TMEM38B: variants seen among roughly 807,000 people sequenced by gnomAD.
TMEM38B encodes the protein transmembrane protein 38B, also known as trimeric intracellular cation channel type B.
In TMEM38B, 24 loss-of-function variants were observed where a neutral mutation model predicts 28.7. That is an observed-to-expected ratio of 0.84 (90% CI 0.61 to 1.18). The LOEUF (loss-of-function observed/expected upper bound fraction) is 1.18. TMEM38B is among the 50% of genes most tolerant of loss of function. The pLI is 0.00. For synonymous variants in TMEM38B, 131 were observed against 127.7 expected (o/e 1.03, Z -0.17); for missense variants, 380 against 350.9 (o/e 1.08, Z -0.66).
intron 4 of TMEM38B, among the ~76,000 whole-genome samples, chr9:105,729,108 G>T (rs6477457): frequency 0.21 from 32,008 of 152,082 alleles, 5,230 homozygotes; most frequent in East Asian, 0.46. Context: ...GTCAATTTTG[G>T]CTTTTGTTGC....
intron 5 of TMEM38B, chr9:105,758,837 T>TCA: frequency 1.1e-6 from 1 of 938,238 alleles, no homozygotes; most frequent in Non-Finnish European, 1.8e-6. Flanking sequence ...TCAATGAAGA[T>TCA]CAAGAAAATG....
chr9:105,710,588 G>T, intron 2 of TMEM38B: 1 of 839,570 alleles, frequency 1.2e-6, no homozygotes, highest in Non-Finnish European at 2.1e-6. Flanking sequence ...AGTGTCTTCA[G>T]CATCAGGAAC....
intron 4 of TMEM38B, among the ~76,000 whole-genome samples, chr9:105,729,709 A>T (rs984248346): frequency 1.3e-5 from 2 of 152,150 alleles, no homozygotes; most frequent in Non-Finnish European, 2.9e-5. Context: ...CTTCCTACCC[A>T]TGAGCAAGGA....
chr9:105,760,055 C>A, intron 5 of TMEM38B: 1 of 1,188,374 alleles, frequency 8.4e-7, no homozygotes, highest in Non-Finnish European at 1.2e-6. Flanking sequence ...CTTCCAGCTT[C>A]TTCTGTGTTG....
chr9:105,745,829 AG>A lies in TMEM38B; in HGVS notation c.543-2242del, dbSNP rs1837369743. Among the ~76,000 whole-genome samples, 3 of 152,286 alleles carry A rather than the reference AG, an allele frequency of 2.0e-5. No individual in the cohort carries two copies. The South Asian group carries it at 6.2e-4, about 32-fold the overall frequency. On this transcript the variant is annotated intron_variant, in intron 4 of 5. Transcript: ENST00000374692. ...GCCAGTTTTCCCAGCACCATTTATTAGGTAGGGAATCCTTTCCCCATTTCTT... is the reference window on the plus strand; with the variant it reads ...GCCAGTTTTCCCAGCACCATTTATTAGTAGGGAATCCTTTCCCCATTTCTT...
At chr9:105,762,755 T>G (rs1403752827) in intron 5 of TMEM38B, among the ~76,000 whole-genome samples, 1 of 148,966 alleles carries the variant, frequency 6.7e-6, no homozygotes, top group Non-Finnish European at 1.5e-5. Flanking sequence ...TGATTTATAG[T>G]CCTTTGGGTA....
intron 1 of TMEM38B, among the ~76,000 whole-genome samples, chr9:105,704,005 T>C (rs1334887979): frequency 6.6e-6 from 1 of 150,750 alleles, no homozygotes; most frequent in Non-Finnish European, 1.5e-5. Flanking sequence ...CACCGCATAT[T>C]CTCACTCATA....
intron 4 of TMEM38B, among the ~76,000 whole-genome samples, chr9:105,740,058 T>G (rs1291796459): frequency 6.6e-6 from 1 of 150,968 alleles, no homozygotes; most frequent in Non-Finnish European, 1.5e-5. Context: ...AGTTTCTGTA[T>G]TTTTAGTAGA....
At chr9:105,754,239 T>C (rs1837755665) in intron 5 of TMEM38B, among the ~76,000 whole-genome samples, 1 of 151,944 alleles carries the variant, frequency 6.6e-6, no homozygotes, top group Non-Finnish European at 1.5e-5. Flanking sequence ...AGACAGAAAA[T>C]TAACAGAGAT....
At chr9:105,703,500 A>G (rs1237169709) in intron 1 of TMEM38B, among the ~76,000 whole-genome samples, 10 of 152,364 alleles carry the variant, frequency 6.6e-5, no homozygotes, top group East Asian at 1.9e-4. Context: ...TAATGCCGCA[A>G]TAAACATACG....
chr9:105,761,367 A>T (rs1838041584), intron 5 of TMEM38B, among the ~76,000 whole-genome samples: 2 of 152,122 alleles, frequency 1.3e-5, no homozygotes, highest in South Asian at 4.1e-4. Flanking sequence ...TCATTTGTTT[A>T]ATATATATAT....
chr9:105,705,472 C>T, intron 1 of TMEM38B, 125 bp from the exon 2 acceptor site: 1 of 922,746 alleles, frequency 1.1e-6, no homozygotes, highest in Non-Finnish European at 1.6e-6. Context: ...ACTGGCACAC[C>T]TATGAATAAT....
intron 5 of TMEM38B, among the ~76,000 whole-genome samples, chr9:105,763,353 T>C (rs879274292): frequency 7.4e-4 from 112 of 152,344 alleles, no homozygotes; most frequent in Non-Finnish European, 1.4e-3. Flanking sequence ...TCCTGAATGG[T>C]AATGCCTAGG....
chr9:105,751,118 A>G (rs368784847), intron 5 of TMEM38B, among the ~76,000 whole-genome samples: 30 of 152,354 alleles, frequency 2.0e-4, no homozygotes, highest in African/African-American at 6.5e-4. Flanking sequence ...GCTGTGGTCC[A>G]TGGCACTCAT....
At chr9:105,708,394 G>T (rs1835760505) in intron 2 of TMEM38B, among the ~76,000 whole-genome samples, 1 of 152,002 alleles carries the variant, frequency 6.6e-6, no homozygotes, top group Admixed American at 6.6e-5. Context: ...TTTTATATAG[G>T]GGCTCTCACA....
chr9:105,719,320 G>A (rs143095305), intron 2 of TMEM38B, among the ~76,000 whole-genome samples: 81 of 152,152 alleles, frequency 5.3e-4, no homozygotes, highest in African/African-American at 1.9e-3. Context: ...CTCTCATTTT[G>A]TGATATGTTT....
intron 2 of TMEM38B, among the ~76,000 whole-genome samples, chr9:105,713,376 C>T (rs1308790637): frequency 6.6e-6 from 1 of 152,228 alleles, no homozygotes; most frequent in Non-Finnish European, 1.5e-5. Flanking sequence ...GAGGTGCCTG[C>T]TCCCGCTGCC....
rs1456384189 is a variant in TMEM38B, at chr9:105,776,419, AG to A, written c.*2340del. 1 of 152,130 alleles carries A rather than the reference AG, an allele frequency of 6.6e-6. No individual in the cohort carries two copies. Among genetic ancestry groups the A allele is most frequent in the Non-Finnish European group, 1.5e-5 (1 of 68,024 alleles). 9.4% of individuals were successfully genotyped at this position (152,130 alleles called of 1,614,324 possible). On this transcript the variant is annotated 3_prime_UTR_variant, in exon 6 of 6. Coordinates refer to ENST00000374692, the MANE Select transcript of TMEM38B (RefSeq NM_018112.3). ...TCCCTGTGGGTAGAGACCAAAAGGT[AG>A]AGAGATGACAGAAGGGAGACTCTGA... is the stretch of plus-strand genomic sequence containing the variant.
intron 5 of TMEM38B, chr9:105,759,040 A>C (rs113323225): frequency 0.015 from 12,761 of 864,758 alleles, 392 homozygotes; most frequent in African/African-American, 0.1. Flanking sequence ...CTACAAAACA[A>C]ATCAGATGAC....
Sources: gnomAD v4.1 joint callset for allele counts (sites outside exome capture counted in the v4.1 genomes callset) on GRCh38, gnomAD v4.1.1 for gene constraint, MANE v1.5 for transcripts, NCBI Gene and HGNC (gene_info 2026-07-23, HGNC 2026-07-21) for gene names.